QTMAN: variants seen among roughly 807,000 people sequenced by gnomAD.
QTMAN encodes the protein tRNA-queuosine alpha-mannosyltransferase.
chr2:144,268,175 T>C, the QTMAN span, among the ~76,000 whole-genome samples: 5 of 152,238 alleles, frequency 3.3e-5, no homozygotes, highest in East Asian at 7.7e-4. Flanking sequence ...GAACTGATTG[T>C]TACAAACAGC....
the QTMAN span, among the ~76,000 whole-genome samples, chr2:144,088,556 T>C: frequency 2.0e-5 from 3 of 151,928 alleles, no homozygotes; most frequent in Non-Finnish European, 4.4e-5. Flanking sequence ...CATCACACTA[T>C]CTGATTTCAA....
the QTMAN span, among the ~76,000 whole-genome samples, chr2:144,119,089 A>G: frequency 7.9e-5 from 12 of 152,268 alleles, no homozygotes; most frequent in East Asian, 2.3e-3. Context: ...TGTCTGGGCA[A>G]GAGACCAGAT....
the QTMAN span, among the ~76,000 whole-genome samples, chr2:144,130,461 T>C: frequency 3.3e-5 from 5 of 151,924 alleles, no homozygotes; most frequent in African/African-American, 1.2e-4. Context: ...AAACATCATA[T>C]GATACTCCTA....
the QTMAN span, among the ~76,000 whole-genome samples, chr2:144,257,453 G>T: frequency 1.3e-5 from 2 of 151,948 alleles, no homozygotes; most frequent in African/African-American, 4.8e-5. Context: ...TAGCTTCCTA[G>T]CTCAGAATGA....
chr2:144,188,235 A>C, the QTMAN span, among the ~76,000 whole-genome samples: 1 of 152,342 alleles, frequency 6.6e-6, no homozygotes, highest in African/African-American at 2.4e-5. Context: ...GAACTCCAAG[A>C]AATATGTTCT....
At chr2:143,985,131 A>G in the QTMAN span, among the ~76,000 whole-genome samples, 2 of 152,224 alleles carry the variant, frequency 1.3e-5, no homozygotes, top group African/African-American at 4.8e-5. Flanking sequence ...GCATTGTAAC[A>G]TGCTTGGATG....
chr2:144,313,202 T>C, the QTMAN span, among the ~76,000 whole-genome samples: 1 of 152,202 alleles, frequency 6.6e-6, no homozygotes, highest in Non-Finnish European at 1.5e-5. Context: ...TCCATCGGAA[T>C]GACACTTTTA....
At chr2:144,093,879 G>A in the QTMAN span, among the ~76,000 whole-genome samples, 1 of 152,082 alleles carries the variant, frequency 6.6e-6, no homozygotes, top group Admixed American at 6.5e-5. Flanking sequence ...TTGAAATGGT[G>A]AATATATATA....
chr2:144,187,523 A>T, the QTMAN span, among the ~76,000 whole-genome samples: 2 of 152,162 alleles, frequency 1.3e-5, no homozygotes, highest in African/African-American at 2.4e-5. Context: ...TTGGGGATCT[A>T]ATTTCAACAT....
chr2:143,978,128 T>G, the QTMAN span, among the ~76,000 whole-genome samples: 1 of 152,212 alleles, frequency 6.6e-6, no homozygotes, highest in Admixed American at 6.5e-5. Context: ...CTATTCCCAT[T>G]CTCATTTTCT....
chr2:144,001,588 T>C, the QTMAN span, among the ~76,000 whole-genome samples: 1 of 151,956 alleles, frequency 6.6e-6, no homozygotes, highest in Non-Finnish European at 1.5e-5. Flanking sequence ...GCTACTCTAA[T>C]AATTTCAAAC....
At chr2:144,328,636 G>C in the QTMAN span, among the ~76,000 whole-genome samples, 2 of 152,160 alleles carry the variant, frequency 1.3e-5, no homozygotes, top group Non-Finnish European at 2.9e-5. Context: ...AAACTGATCT[G>C]GCAGTGAGTA....
chr2:144,241,919 T>G, the QTMAN span, among the ~76,000 whole-genome samples: 1 of 152,120 alleles, frequency 6.6e-6, no homozygotes, highest in Admixed American at 6.5e-5. Flanking sequence ...ATAGATCCAT[T>G]TTGCAAAACA....
the QTMAN span, among the ~76,000 whole-genome samples, chr2:144,096,041 C>T: frequency 6.6e-6 from 1 of 152,202 alleles, no homozygotes; most frequent in African/African-American, 2.4e-5. Flanking sequence ...ACAAGATACT[C>T]TCTAAAACAA....
At chr2:144,165,251 T>C in the QTMAN span, among the ~76,000 whole-genome samples, 2 of 152,014 alleles carry the variant, frequency 1.3e-5, no homozygotes, top group African/African-American at 4.8e-5. Context: ...ATGCCTGTAG[T>C]CCCAGCTACT....
chr2:144,130,284 C>T, the QTMAN span, among the ~76,000 whole-genome samples: 2 of 151,750 alleles, frequency 1.3e-5, no homozygotes, highest in African/African-American at 2.4e-5. Flanking sequence ...GCAGAAGACC[C>T]TCAAAACATA....
chr2:144,076,995 A>C, the QTMAN span, among the ~76,000 whole-genome samples: 1 of 151,810 alleles, frequency 6.6e-6, no homozygotes, highest in South Asian at 2.1e-4. Context: ...TAAAATAAAA[A>C]CCAGGTAATA....
At chr2:144,243,637 C>G in the QTMAN span, among the ~76,000 whole-genome samples, 12 of 152,266 alleles carry the variant, frequency 7.9e-5, no homozygotes, top group East Asian at 2.3e-3. Flanking sequence ...CTTATGGTAT[C>G]TAGACCATAT....
chr2:144,063,069 T>TA, the QTMAN span, among the ~76,000 whole-genome samples: 1 of 152,148 alleles, frequency 6.6e-6, no homozygotes, highest in Non-Finnish European at 1.5e-5. Context: ...GGCAGGTCTA[T>TA]GGGAAAAAAC....
Sources: allele counts gnomAD v4.1 joint callset (sites outside exome capture counted in the v4.1 genomes callset), GRCh38; gene constraint gnomAD v4.1.1; transcripts MANE v1.5; gene names NCBI Gene and HGNC (gene_info 2026-07-23, HGNC 2026-07-21).